The following SLC6A6 variants were observed in gnomAD, a reference collection of about 807,000 sequenced individuals.
SLC6A6 encodes the protein solute carrier family 6 member 6.
Under a neutral mutation model 68.8 loss-of-function variants are expected in SLC6A6, and 16 were observed. That is an observed-to-expected ratio of 0.23 (90% CI 0.16 to 0.35). SLC6A6 has a LOEUF of 0.35. SLC6A6 is among the 10% of genes least tolerant of loss of function. The pLI, the probability that SLC6A6 is intolerant of heterozygous loss-of-function variation, is 1.00. For synonymous variants in SLC6A6, 312 were observed against 315.4 expected (o/e 0.99, Z 0.12); for missense variants, 474 against 802.8 (o/e 0.59, Z 4.95).
In SLC6A6 at chr3:14,433,744, C is replaced by T; in HGVS notation, c.-11-9880C>T. Among the ~76,000 whole-genome samples the T allele has an allele frequency of 1.5e-5, 2 of 135,470 alleles. 1 individual carries two copies. The highest frequency in any genetic ancestry group is 4.3e-4 in the East Asian group (2 of 4,628). The allele number at this position is 135,470 out of a possible 152,430, so 88.9% of individuals were successfully genotyped here. On this transcript the variant is annotated intron_variant, in intron 2 of 14. Transcript: ENST00000622186. The stretch of plus-strand genomic sequence containing the variant: ...TCTTGGACCCAGGTGGCGGAGGTTG[C>T]AGAGAGCTGAGATCGCACCCTGCAC...
At chr3:14,452,653 T>A (rs534206778) in intron 5 of SLC6A6, among the ~76,000 whole-genome samples, 68 of 152,290 alleles carry the variant, frequency 4.5e-4, no homozygotes, top group African/African-American at 1.5e-3. Context: ...ACACCCACCC[T>A]GTGTGCAGTG....
chr3:14,442,180 A>T (rs1269783000), intron 2 of SLC6A6, among the ~76,000 whole-genome samples: 1 of 152,228 alleles, frequency 6.6e-6, no homozygotes, highest in East Asian at 1.9e-4. Flanking sequence ...GTATGAGCTC[A>T]CTGTGGTCCA....
chr3:14,484,015 A>G (rs897942692), intron 14 of SLC6A6, among the ~76,000 whole-genome samples: 1 of 152,224 alleles, frequency 6.6e-6, no homozygotes, highest in African/African-American at 2.4e-5. Context: ...AAAAATTTGT[A>G]ACATACCTAA....
At chr3:14,438,988 T>G (rs1040748170) in intron 2 of SLC6A6, among the ~76,000 whole-genome samples, 2 of 152,166 alleles carry the variant, frequency 1.3e-5, no homozygotes, top group African/African-American at 4.8e-5. Context: ...TGGACTGAGG[T>G]GGTAGATGCT....
At chr3:14,484,328 G>A (rs562361299) in intron 14 of SLC6A6, among the ~76,000 whole-genome samples, 2 of 152,328 alleles carry the variant, frequency 1.3e-5, no homozygotes, top group African/African-American at 4.8e-5. Flanking sequence ...AAACCCTGCT[G>A]GGAGGACTGG....
At chr3:14,457,889 T>G in intron 5 of SLC6A6, 61 bp from the exon 6 acceptor site, 1 of 1,580,246 alleles carries the variant, frequency 6.3e-7, no homozygotes, top group South Asian at 1.1e-5. Flanking sequence ...GTCCGAGCCT[T>G]GGCTCTCTCT....
chr3:14,423,340 A>G (rs1348986241), intron 2 of SLC6A6, among the ~76,000 whole-genome samples: 1 of 152,208 alleles, frequency 6.6e-6, no homozygotes, highest in Non-Finnish European at 1.5e-5. Flanking sequence ...ACACTCACAC[A>G]TGAATGTTGT....
intron 2 of SLC6A6, among the ~76,000 whole-genome samples, chr3:14,442,208 G>A (rs1207837589): frequency 1.3e-5 from 2 of 152,224 alleles, no homozygotes; most frequent in East Asian, 1.9e-4. Context: ...AATTTTTCAA[G>A]AGAACTCAGA....
chr3:14,406,799 C>T lies in SLC6A6; in HGVS notation c.-54+3952C>T, dbSNP rs1005073099. On this transcript the variant is annotated intron_variant, in intron 1 of 14. Transcript: ENST00000622186. ...TGCTGTTCTGTTTCTAAAGCTCCAG[C>T]GTTGTGTGGCCAACCACCCTTCTCT... 5.3e-5 allele frequency among the ~76,000 whole-genome samples: 8 copies of T among 152,294 alleles called. No individual in the cohort carries two copies. In the South Asian group the frequency reaches 1.0e-3, roughly 20 times the overall value.
At position 14,481,196 on chromosome 3, in the gene SLC6A6, T is replaced by G. The variant is rs1044475406; in HGVS notation, c.1552-475T>G. 6.6e-6 allele frequency among the ~76,000 whole-genome samples: 1 copy of G among 152,148 alleles called. No homozygotes were observed. Among genetic ancestry groups the G allele is most frequent in the Middle Eastern group, 3.2e-3 (1 of 316 alleles). On this transcript the variant is annotated intron_variant, in intron 13 of 14. Transcript: ENST00000622186. This position sits in a 1 kb window ranked among gnomAD's most constrained non-coding sequence, Gnocchi z 4.7. ...CACTCGCTTTCTGGAAGGAGAGGTA[T>G]GGGTGGTGCCTGGGCAAGTAAGGCA...
At chr3:14,445,658 C>CT in intron 3 of SLC6A6, 59 bp from the exon 4 acceptor site, 1 of 1,605,776 alleles carries the variant, frequency 6.2e-7, no homozygotes, top group Non-Finnish European at 8.5e-7. Flanking sequence ...GCTTGGGAGC[C>CT]TTCTGCGTCG....
At chr3:14,443,581 G>C in intron 2 of SLC6A6, 43 bp from the exon 3 acceptor site, 1 of 1,303,308 alleles carries the variant, frequency 7.7e-7, no homozygotes, top group Non-Finnish European at 1.1e-6. Flanking sequence ...CATACAGGTG[G>C]TCCCTCATCA....
chr3:14,444,610 G>A (rs1025539183), intron 3 of SLC6A6: 6 of 401,600 alleles, frequency 1.5e-5, no homozygotes, highest in African/African-American at 1.0e-4. Context: ...AACTGCTCAC[G>A]GCTGGTGACT....
chr3:14,468,315 G>A lies in SLC6A6; in HGVS notation c.1096+103G>A, dbSNP rs1574958541. On this transcript the variant is annotated intron_variant, in intron 9 of 14. Transcript: ENST00000622186. This position sits in a 1 kb window ranked among gnomAD's most constrained non-coding sequence, Gnocchi z 4.5. The stretch of plus-strand genomic sequence containing the variant: ...ACCCCAGGGGGCTTTGAGGGGGGAC[G>A]AGCCTGGTTTCTAAAATGGACCCCC... The A allele has an allele frequency of 4.0e-6, 4 of 1,011,066 alleles. No homozygotes were observed. Among genetic ancestry groups the A allele is most frequent in the East Asian group, 3.0e-5 (1 of 33,234 alleles). 62.6% of individuals were successfully genotyped at this position (1,011,066 alleles called of 1,614,324 possible). A position where few individuals can be genotyped will look rare whatever the true frequency, so the allele number is the denominator to read the frequency against.
rs535310567 is a variant in SLC6A6 at position 14,472,418 on chromosome 3, C to T, written c.1209+101C>T. On this transcript the variant is annotated intron_variant, in intron 10 of 14. Coordinates refer to ENST00000622186, the MANE Select transcript of SLC6A6 (RefSeq NM_003043.6). This position sits in a 1 kb window ranked among gnomAD's most constrained non-coding sequence, Gnocchi z 4.5. ...TGGGAGGTGGTCAACCCCCTTCCCC[C>T]CTCCAGTCAGACTTCCAGTGCTTCA... 8.2e-6 allele frequency: 6 copies of T among 731,056 alleles called. No individual in the cohort carries two copies. The highest frequency in any genetic ancestry group is 1.6e-5 in the South Asian group (1 of 63,028). 45.3% of individuals were successfully genotyped at this position (731,056 alleles called of 1,614,324 possible). A position where few individuals can be genotyped will look rare whatever the true frequency, so the allele number is the denominator to read the frequency against.
chr3:14,472,430 C>A lies in SLC6A6; in HGVS notation c.1209+113C>A. ...AACCCCCTTCCCCCCTCCAGTCAGA[C>A]TTCCAGTGCTTCAGCTGTGAGGGTT... On this transcript the variant is annotated intron_variant, in intron 10 of 14. Coordinates refer to ENST00000622186, the MANE Select transcript of SLC6A6 (RefSeq NM_003043.6). The surrounding 1 kb of genome is among the most constrained non-coding windows in gnomAD (Gnocchi z 4.5). 1.5e-6 allele frequency: 1 copy of A among 689,376 alleles called. No homozygotes were observed. The highest frequency in any genetic ancestry group is 2.6e-6 in the Non-Finnish European group (1 of 384,518). 42.7% of individuals were successfully genotyped at this position (689,376 alleles called of 1,614,324 possible).
chr3:14,409,353 G>A (rs564671381), intron 1 of SLC6A6, among the ~76,000 whole-genome samples: 2 of 152,340 alleles, frequency 1.3e-5, no homozygotes, highest in East Asian at 1.9e-4. Context: ...CAGAGGAGCC[G>A]GCTGAGCCGA....
intron 14 of SLC6A6, among the ~76,000 whole-genome samples, chr3:14,482,578 C>G (rs1000795430): frequency 2.0e-5 from 3 of 152,208 alleles, no homozygotes; most frequent in Non-Finnish European, 2.9e-5. Context: ...TTGTTATTCT[C>G]TTTTAAAAAT....
Position 14,481,850 on chromosome 3 carries a change from T to G in SLC6A6, c.1722+9T>G. ...AGGGGCCGTTCCTTGTGGTAAGTGC[T>G]TGGGCCCAGGGCCAGGGGAGGTGGG... On this transcript the variant is annotated intron_variant, in intron 14 of 14. Transcript: ENST00000622186. The surrounding 1 kb of genome is among the most constrained non-coding windows in gnomAD (Gnocchi z 4.7). The G allele has an allele frequency of 6.2e-7, 1 of 1,612,952 alleles. No homozygotes were observed. Among genetic ancestry groups the G allele is most frequent in the Non-Finnish European group, 8.5e-7 (1 of 1,179,224 alleles).
Sources: gnomAD v4.1 joint callset for allele counts (sites outside exome capture counted in the v4.1 genomes callset) on GRCh38, gnomAD v4.1.1 for gene constraint, Gnocchi (gnomAD v3.1) non-coding constraint, MANE v1.5 for transcripts, NCBI Gene and HGNC (gene_info 2026-07-23, HGNC 2026-07-21) for gene names.